ANKRD31: variants seen among roughly 807,000 people sequenced by gnomAD.
ANKRD31 encodes ankyrin repeat domain-containing protein 31.
ANKRD31 carries 147 observed loss-of-function variants against 186.0 expected under a neutral mutation model. That is an observed-to-expected ratio of 0.79 (90% CI 0.69 to 0.91). ANKRD31 has a LOEUF of 0.91. Among genes scored for constraint, ANKRD31 ranks in the 40% least tolerant of loss-of-function variants. ANKRD31 has a pLI of 0.00. For synonymous variants in ANKRD31, 673 were observed against 736.4 expected (o/e 0.91, Z 1.39); for missense variants, 1,986 against 2,148.8 (o/e 0.92, Z 1.50).
At chr5:75,112,458 G>A (rs1186015758) in intron 20 of ANKRD31, 55 bp downstream of exon 20, 2 of 1,204,832 alleles carry the variant, frequency 1.7e-6, no homozygotes, top group African/African-American at 1.5e-5. Flanking sequence ...TGTACCTTAA[G>A]AAGATGACCT....
At chr5:75,161,857 G>A (rs563397076) in intron 11 of ANKRD31, among the ~76,000 whole-genome samples, 74 of 152,370 alleles carry the variant, frequency 4.9e-4, no homozygotes, top group Middle Eastern at 3.4e-3. Context: ...CAGCTTCCAC[G>A]TGGTGTTGAG....
chr5:75,086,657 G>A (rs1354863205), intron 23 of ANKRD31, among the ~76,000 whole-genome samples: 1 of 152,152 alleles, frequency 6.6e-6, no homozygotes, highest in Non-Finnish European at 1.5e-5. Flanking sequence ...TAAGAGAGAT[G>A]GAGCTTAGTG....
chr5:75,204,514 T>C lies in ANKRD31; in HGVS notation c.403+1897A>G, dbSNP rs546324596. 3.9e-5 allele frequency among the ~76,000 whole-genome samples: 6 copies of C among 152,356 alleles called. 1 individual carries two copies. In the South Asian group the frequency reaches 1.2e-3, roughly 32 times the overall value. ...AAAGCTTTTCTCTTGTCATTTATTA[T>C]GTGCTGATATGTTATGTAGTGTTAC... On this transcript the variant is annotated intron_variant, in intron 5 of 25. Coordinates refer to ENST00000506364, the MANE Select transcript of ANKRD31 (RefSeq NM_001372053.1).
intron 20 of ANKRD31, among the ~76,000 whole-genome samples, chr5:75,108,340 A>C (rs1267790585): frequency 6.6e-6 from 1 of 151,982 alleles, no homozygotes; most frequent in Non-Finnish European, 1.5e-5. Context: ...TAATTACTTA[A>C]ATTTTCCCGA....
chr5:75,194,069 G>C (rs1471128250), intron 7 of ANKRD31, among the ~76,000 whole-genome samples: 1 of 152,102 alleles, frequency 6.6e-6, no homozygotes, highest in Non-Finnish European at 1.5e-5. Flanking sequence ...AGTGTATCAG[G>C]AATTGTTCTT....
At chr5:75,187,645 T>C (rs150049458) in intron 10 of ANKRD31, among the ~76,000 whole-genome samples, 1 of 152,212 alleles carries the variant, frequency 6.6e-6, no homozygotes, top group East Asian at 1.9e-4. Flanking sequence ...AATACAAGGT[T>C]GAGGGTTATA....
At chr5:75,231,906 AACACACACACACACACAC>A (rs56755264) in intron 1 of ANKRD31, among the ~76,000 whole-genome samples, 24 of 144,608 alleles carry the variant, frequency 1.7e-4, no homozygotes, top group African/African-American at 5.3e-4. Context: ...ACTGTCTCAA[AACACACACACACACACAC>A]ACACACACAC....
Position 75,104,641 on chromosome 5 carries a change from C to A in ANKRD31, c.4918G>T (p.Gly1640Cys), listed in dbSNP as rs140882867. 1.3e-6 allele frequency: 2 copies of A among 1,535,962 alleles called. No homozygotes were observed. Among genetic ancestry groups the A allele is most frequent in the Non-Finnish European group, 8.7e-7 (1 of 1,146,444 alleles). Residue 1640 changes from glycine (G) to cysteine (C), a missense_variant, in exon 22 of 26, where the codon GGC (glycine) becomes TGC (cysteine). Coordinates refer to ENST00000506364, the MANE Select transcript of ANKRD31 (RefSeq NM_001372053.1). ...GCAGTTTCTGAAATATTTAATTTGC[C>A]GATTACTGGGGAAGAAACATAGAAT... ...HEFYVSSPVI[G>C]KLNISETASV... is the part of the protein sequence containing the mutation.
chr5:75,201,500 TG>T (rs967988881), intron 5 of ANKRD31, among the ~76,000 whole-genome samples: 8 of 152,200 alleles, frequency 5.3e-5, no homozygotes, highest in African/African-American at 1.7e-4. Context: ...TTCACATCTT[TG>T]GGGGATTAGA....
intron 1 of ANKRD31, among the ~76,000 whole-genome samples, chr5:75,232,708 A>C (rs1172631570): frequency 6.6e-6 from 1 of 152,174 alleles, no homozygotes; most frequent in Non-Finnish European, 1.5e-5. Flanking sequence ...AAAAAGGTGA[A>C]CTTTATGTAA....
chr5:75,096,456 T>C (rs1371122676), intron 22 of ANKRD31, among the ~76,000 whole-genome samples: 1 of 152,186 alleles, frequency 6.6e-6, no homozygotes. Context: ...TCCCGTTCTG[T>C]AGGTTGCCTG....
chr5:75,154,232 A>G lies in ANKRD31; in HGVS notation c.1821T>C (p.Tyr607=), dbSNP rs930709746. Residue 607 remains tyrosine (Y), a synonymous_variant, in exon 12 of 26, where the codon TAT becomes TAC. Transcript: ENST00000506364. The part of the protein sequence containing the change: ...DLCMKRLLER[Y]IPKHQKCLTS... ...TAAGGCATTTTTGATGTTTAGGGAT[A>G]TATCTCTCAAGGAGACGCTTCATAC... 2 of 1,529,400 alleles carry G rather than the reference A, an allele frequency of 1.3e-6. No homozygotes were observed. The highest frequency in any genetic ancestry group is 1.8e-6 in the Non-Finnish European group (2 of 1,142,796). The allele number at this position is 1,529,400 out of a possible 1,614,324, so 94.7% of individuals were successfully genotyped here.
At chr5:75,135,835 C>G (rs1044029820) in intron 17 of ANKRD31, among the ~76,000 whole-genome samples, 3 of 152,144 alleles carry the variant, frequency 2.0e-5, no homozygotes, top group Non-Finnish European at 4.4e-5. Flanking sequence ...ACCAATGGAA[C>G]AGAACAGAGC....
At chr5:75,230,693 C>T (rs1757895388) in intron 1 of ANKRD31, 58 bp from the exon 2 acceptor site, 2 of 1,275,696 alleles carry the variant, frequency 1.6e-6, no homozygotes, top group Non-Finnish European at 2.2e-6. Context: ...CAAAGACTAA[C>T]ATTTTACCCA....
At chr5:75,206,111 A>G (rs1288546409) in intron 5 of ANKRD31, among the ~76,000 whole-genome samples, 7 of 149,326 alleles carry the variant, frequency 4.7e-5, no homozygotes, top group Non-Finnish European at 1.0e-4. Flanking sequence ...GGCTCAGTAG[A>G]GCATGCCTGT....
chr5:75,228,802 G>C (rs1338408092), intron 2 of ANKRD31, among the ~76,000 whole-genome samples: 1 of 152,128 alleles, frequency 6.6e-6, no homozygotes, highest in Non-Finnish European at 1.5e-5. Context: ...TATTGAAACA[G>C]ACCTCTAACT....
intron 3 of ANKRD31, among the ~76,000 whole-genome samples, chr5:75,221,945 T>C (rs1355092626): frequency 6.6e-6 from 1 of 152,162 alleles, no homozygotes; most frequent in African/African-American, 2.4e-5. Flanking sequence ...AGGCTATAAG[T>C]AGTTAAGTTT....
intron 10 of ANKRD31, among the ~76,000 whole-genome samples, chr5:75,182,150 A>T (rs1754358763): frequency 1.3e-5 from 2 of 152,280 alleles, no homozygotes; most frequent in Admixed American, 6.5e-5. Flanking sequence ...TTTAAAATGT[A>T]TATACAAAAA....
At chr5:75,198,595 T>C (rs1755621134) in intron 6 of ANKRD31, among the ~76,000 whole-genome samples, 1 of 152,170 alleles carries the variant, frequency 6.6e-6, no homozygotes, top group African/African-American at 2.4e-5. Context: ...ATTAATATTA[T>C]AGAGTACAAG....
Sources: allele counts gnomAD v4.1 joint callset (sites outside exome capture counted in the v4.1 genomes callset), GRCh38; gene constraint gnomAD v4.1.1; transcripts MANE v1.5; gene names NCBI Gene and HGNC (gene_info 2026-07-23, HGNC 2026-07-21).